The following CDH18 variants were observed in gnomAD, a reference collection of about 807,000 sequenced individuals.
CDH18 encodes the protein cadherin-18.
CDH18 carries 31 observed loss-of-function variants against 67.9 expected under a neutral mutation model. That is an observed-to-expected ratio of 0.46 (90% confidence interval 0.34 to 0.62). The LOEUF (loss-of-function observed/expected upper bound fraction) is 0.62, where lower values mean the gene tolerates loss of function less well. Ranked by LOEUF, CDH18 falls within the 20% of genes least tolerant of loss-of-function variation. The pLI is 0.01. For synonymous variants in CDH18, 362 were observed against 347.2 expected, an observed-to-expected ratio of 1.04 and a Z score of -0.48; for missense variants, 890 against 975.5, an observed-to-expected ratio of 0.91 and a Z score of 1.17.
intron 3 of CDH18, among the ~76,000 whole-genome samples, chr5:19,761,874 G>A (rs1772403139): frequency 6.6e-6 from 1 of 152,082 alleles, no homozygotes; most frequent in Admixed American, 6.6e-5. Flanking sequence ...AAACAGCATG[G>A]TACTGGTACC....
chr5:20,527,583 A>G (rs929352682), intron 1 of CDH18, among the ~76,000 whole-genome samples: 1 of 152,166 alleles, frequency 6.6e-6, no homozygotes, highest in Non-Finnish European at 1.5e-5. Context: ...CTGAAAAGCC[A>G]GAAGAGATTG....
intron 2 of CDH18, among the ~76,000 whole-genome samples, chr5:20,066,368 A>G (rs1010445639): frequency 6.6e-6 from 1 of 152,114 alleles, no homozygotes; most frequent in Non-Finnish European, 1.5e-5. Context: ...AATAATCTCA[A>G]TAAAACATAT....
chr5:20,477,149 C>T (rs112442699), intron 1 of CDH18, among the ~76,000 whole-genome samples: 41 of 152,112 alleles, frequency 2.7e-4, no homozygotes, highest in Non-Finnish European at 5.1e-4. Context: ...AAAGTGATCA[C>T]TCCTTTCTAC....
At chr5:20,136,473 T>C (rs1749724287) in intron 2 of CDH18, among the ~76,000 whole-genome samples, 1 of 152,224 alleles carries the variant, frequency 6.6e-6, no homozygotes, top group African/African-American at 2.4e-5. Context: ...ATTTTGAGTC[T>C]ATGTGTGTCT....
chr5:20,013,173 G>A (rs1010599082), intron 2 of CDH18, among the ~76,000 whole-genome samples: 6 of 151,952 alleles, frequency 3.9e-5, no homozygotes, highest in Non-Finnish European at 5.9e-5. Flanking sequence ...ATATACACCC[G>A]ATGTTTGCTG....
intron 5 of CDH18, among the ~76,000 whole-genome samples, chr5:19,625,511 A>C (rs1751404851): frequency 6.6e-6 from 1 of 151,982 alleles, no homozygotes; most frequent in Non-Finnish European, 1.5e-5. Flanking sequence ...TAGAAGTCTG[A>C]AATCAAGGTG....
intron 3 of CDH18, among the ~76,000 whole-genome samples, chr5:19,749,483 A>C (rs375131769): frequency 1.2e-4 from 18 of 151,474 alleles, no homozygotes; most frequent in East Asian, 7.7e-4. Context: ...ATATATATAC[A>C]TGAAAAATAT....
At chr5:20,289,176 G>A (rs1746917840) in intron 1 of CDH18, among the ~76,000 whole-genome samples, 1 of 151,662 alleles carries the variant, frequency 6.6e-6, no homozygotes. Context: ...GATCCAATAT[G>A]GTATTAAATG....
At chr5:20,347,256 T>C (rs1740777956) in intron 1 of CDH18, among the ~76,000 whole-genome samples, 2 of 152,152 alleles carry the variant, frequency 1.3e-5, no homozygotes, top group African/African-American at 4.8e-5. Context: ...TTTTAGATGG[T>C]GATGCAGATG....
chr5:19,947,113 A>G (rs2150249864), intron 2 of CDH18, among the ~76,000 whole-genome samples: 1 of 152,242 alleles, frequency 6.6e-6, no homozygotes, highest in South Asian at 2.1e-4. Context: ...CAAAAACCCT[A>G]CAGACAACAT....
Position 19,827,276 on chromosome 5 carries a change from A to G in CDH18, c.228+11483T>C, listed in dbSNP as rs575591852. On this transcript the variant is annotated intron_variant, in intron 3 of 12. Coordinates refer to ENST00000382275, the MANE Select transcript of CDH18 (RefSeq NM_004934.5). ...AAGAGAATTGGATAACACCACAGTAATAGTAGGAGACTTCAACACCACACT... is the reference window on the plus strand; with the variant it reads ...AAGAGAATTGGATAACACCACAGTAGTAGTAGGAGACTTCAACACCACACT... Among the ~76,000 whole-genome samples the G allele has an allele frequency of 3.0e-4, 46 of 151,946 alleles. 1 individual carries two copies. Among genetic ancestry groups the G allele is most frequent in the South Asian group, 2.1e-3 (10 of 4,788 alleles).
intron 2 of CDH18, among the ~76,000 whole-genome samples, chr5:20,068,744 A>T (rs1379554882): frequency 1.3e-5 from 2 of 152,150 alleles, no homozygotes; most frequent in African/African-American, 4.8e-5. Flanking sequence ...TTGATAACCA[A>T]ATTATCTCCC....
intron 1 of CDH18, among the ~76,000 whole-genome samples, chr5:20,543,184 C>G (rs1703061): frequency 0.44 from 66,890 of 151,674 alleles, 15,168 homozygotes; most frequent in East Asian, 0.57. Context: ...ATGGTTAAAC[C>G]TGCATCAAAA....
chr5:20,565,749 G>T (rs1327704567), intron 1 of CDH18, among the ~76,000 whole-genome samples: 2 of 99,772 alleles, frequency 2.0e-5, no homozygotes, highest in South Asian at 3.1e-4. Flanking sequence ...CTCCTTGTAC[G>T]TTATGATAAA....
chr5:20,445,262 A>G (rs1341541746), intron 1 of CDH18, among the ~76,000 whole-genome samples: 1 of 152,192 alleles, frequency 6.6e-6, no homozygotes, highest in Admixed American at 6.5e-5. Context: ...CAATTCTAAC[A>G]ACTTTGATTA....
At chr5:19,492,251 C>T (rs1438063783) in intron 11 of CDH18, among the ~76,000 whole-genome samples, 2 of 152,100 alleles carry the variant, frequency 1.3e-5, no homozygotes, top group Admixed American at 1.3e-4. Context: ...AATCTCTTTA[C>T]ATCAAATAAA....
chr5:20,420,947 A>C (rs1682438205), intron 1 of CDH18, among the ~76,000 whole-genome samples: 2 of 151,306 alleles, frequency 1.3e-5, no homozygotes, highest in African/African-American at 4.9e-5. Flanking sequence ...CTTTATCCTA[A>C]AATTAAATAC....
At chr5:20,460,325 G>A (rs1341747345) in intron 1 of CDH18, among the ~76,000 whole-genome samples, 1 of 151,962 alleles carries the variant, frequency 6.6e-6, no homozygotes, top group Non-Finnish European at 1.5e-5. Flanking sequence ...CCAGGAGGTG[G>A]AGGTTGCAGT....
chr5:19,989,198 T>G (rs758440009), upstream of CDH18, among the ~76,000 whole-genome samples: 18 of 152,160 alleles, frequency 1.2e-4, no homozygotes, highest in Non-Finnish European at 1.9e-4. Context: ...TAGGAGTTTA[T>G]CTAAATTGAA....
Sources: allele counts gnomAD v4.1 joint callset (sites outside exome capture counted in the v4.1 genomes callset), GRCh38; gene constraint gnomAD v4.1.1; transcripts MANE v1.5; gene names NCBI Gene and HGNC (gene_info 2026-07-23, HGNC 2026-07-21).